Variants in UGGT2 observed in about 807,000 individuals in gnomAD.
The protein encoded by UGGT2 is UDP-glucose glycoprotein glucosyltransferase 2.
Under a neutral mutation model 192.1 loss-of-function variants are expected in UGGT2, and 180 were observed. The observed-to-expected ratio is 0.94, with a 90% CI of 0.83 to 1.06. The LOEUF is 1.06. UGGT2 is among the 50% of genes least tolerant of loss of function. The pLI, the probability that UGGT2 is intolerant of heterozygous loss-of-function variation, is 0.00. For missense variants in UGGT2, 1,849 were observed against 1,795.7 expected (o/e 1.03, Z -0.54); for synonymous variants, 580 against 591.0 (o/e 0.98, Z 0.27).
At chr13:95,958,620 G>A (rs2050288208) in intron 12 of UGGT2, among the ~76,000 whole-genome samples, 1 of 150,008 alleles carries the variant, frequency 6.7e-6, no homozygotes, top group Admixed American at 6.6e-5. Context: ...TTTAAGAAGG[G>A]GCTTCAAGAT....
chr13:95,860,135 C>T (rs1411360409), intron 32 of UGGT2, among the ~76,000 whole-genome samples: 1 of 151,936 alleles, frequency 6.6e-6, no homozygotes, highest in African/African-American at 2.4e-5. Flanking sequence ...TCCATTTTAA[C>T]GTATCAGTGC....
intron 4 of UGGT2, among the ~76,000 whole-genome samples, chr13:96,018,719 G>A (rs7983909): frequency 6.8e-6 from 1 of 146,462 alleles, no homozygotes. Context: ...CAACATTGAT[G>A]ACCTAAATAT....
At chr13:95,915,137 G>C (rs549383726) in intron 20 of UGGT2, among the ~76,000 whole-genome samples, 11 of 152,230 alleles carry the variant, frequency 7.2e-5, no homozygotes, top group African/African-American at 2.6e-4. Flanking sequence ...TAGAACCTCT[G>C]CATCAGCTAG....
intron 36 of UGGT2, among the ~76,000 whole-genome samples, chr13:95,844,215 G>C (rs1285187184): frequency 1.3e-5 from 2 of 152,186 alleles, no homozygotes; most frequent in Non-Finnish European, 2.9e-5. Flanking sequence ...ACCTGCCTCG[G>C]CCTCCCAAAG....
chr13:96,038,609 T>C (rs781371306), intron 1 of UGGT2, among the ~76,000 whole-genome samples: 11 of 152,180 alleles, frequency 7.2e-5, no homozygotes, highest in Non-Finnish European at 1.5e-4. Flanking sequence ...GTCTAACCTA[T>C]TCAGCAAGAG....
chr13:95,877,953 G>A, intron 27 of UGGT2, 97 bp from the exon 28 acceptor site: 1 of 1,250,102 alleles, frequency 8.0e-7, no homozygotes, highest in Non-Finnish European at 1.1e-6. Context: ...ATTGGCCAAT[G>A]TATTTTGGTG....
At chr13:96,008,081 G>A (rs988866331) in intron 5 of UGGT2, among the ~76,000 whole-genome samples, 1 of 152,068 alleles carries the variant, frequency 6.6e-6, no homozygotes, top group Admixed American at 6.6e-5. Flanking sequence ...ACTATGAAAC[G>A]ACTAGAGGAA....
At chr13:95,973,015 A>G (rs2050824268) in intron 10 of UGGT2, among the ~76,000 whole-genome samples, 1 of 152,150 alleles carries the variant, frequency 6.6e-6, no homozygotes, top group Non-Finnish European at 1.5e-5. Context: ...TACTAAACAC[A>G]AAAAATTAGC....
chr13:95,971,477 T>C (rs762639168), intron 11 of UGGT2, among the ~76,000 whole-genome samples: 2 of 152,136 alleles, frequency 1.3e-5, no homozygotes, highest in African/African-American at 2.4e-5. Context: ...AATGACCAGG[T>C]GTAGGAGCTG....
At chr13:95,918,728 A>G (rs547621087) in intron 20 of UGGT2, among the ~76,000 whole-genome samples, 3 of 152,120 alleles carry the variant, frequency 2.0e-5, no homozygotes, top group East Asian at 1.9e-4. Context: ...TGAGGCAGCA[A>G]TAAGTAGCCT....
chr13:96,030,098 C>T (rs1305683736), intron 2 of UGGT2, among the ~76,000 whole-genome samples: 4 of 152,120 alleles, frequency 2.6e-5, no homozygotes, highest in East Asian at 3.9e-4. Flanking sequence ...ACTAAGTGAT[C>T]GAGGTTCCTC....
intron 22 of UGGT2, among the ~76,000 whole-genome samples, chr13:95,898,501 T>C (rs1424557894): frequency 6.6e-6 from 1 of 152,154 alleles, no homozygotes; most frequent in African/African-American, 2.4e-5. Flanking sequence ...ATATTTGACA[T>C]GGCTTCCTCC....
chr13:95,936,113 C>A (rs1376740790), intron 17 of UGGT2, among the ~76,000 whole-genome samples: 1 of 152,206 alleles, frequency 6.6e-6, no homozygotes, highest in Non-Finnish European at 1.5e-5. Flanking sequence ...CAGGTATAAA[C>A]CACCATGCCT....
chr13:95,846,450 G>A (rs1232810355), intron 36 of UGGT2, among the ~76,000 whole-genome samples: 1 of 151,734 alleles, frequency 6.6e-6, no homozygotes, highest in Admixed American at 6.6e-5. Context: ...GGAGGGAGAG[G>A]TCCTTTTTAT....
intron 29 of UGGT2, 119 bp downstream of exon 29, chr13:95,877,160 G>A: frequency 1.2e-6 from 1 of 823,954 alleles, no homozygotes; most frequent in Non-Finnish European, 1.8e-6. Context: ...GGGATTACAG[G>A]CTTGAGCCAC....
chr13:96,048,244 T>C (rs920560942), intron 1 of UGGT2, among the ~76,000 whole-genome samples: 1 of 152,110 alleles, frequency 6.6e-6, no homozygotes, highest in Non-Finnish European at 1.5e-5. Context: ...ACTGGGTACA[T>C]AACAAAATGA....
At chr13:95,838,148 T>G (rs1196588964) in intron 36 of UGGT2, among the ~76,000 whole-genome samples, 1 of 152,200 alleles carries the variant, frequency 6.6e-6, no homozygotes, top group Non-Finnish European at 1.5e-5. Context: ...CAACTGCTTT[T>G]CTATATACCA....
At chr13:95,914,152 T>C (rs1266338114) in intron 20 of UGGT2, among the ~76,000 whole-genome samples, 1 of 151,754 alleles carries the variant, frequency 6.6e-6, no homozygotes. Flanking sequence ...ATGTAAATGA[T>C]GAGTTGATAG....
intron 15 of UGGT2, 132 bp downstream of exon 15, chr13:95,946,905 T>C: frequency 1.0e-6 from 1 of 970,592 alleles, no homozygotes; most frequent in Non-Finnish European, 1.4e-6. Flanking sequence ...TGTATTAATC[T>C]CCATGACAGT....
Sources: allele counts gnomAD v4.1 joint callset (sites outside exome capture counted in the v4.1 genomes callset), GRCh38; gene constraint gnomAD v4.1.1; transcripts MANE v1.5; gene names NCBI Gene and HGNC (gene_info 2026-07-23, HGNC 2026-07-21).